The following ACER3 variants were observed in gnomAD, a reference collection of about 807,000 sequenced individuals.
ACER3 encodes alkCDase 3.
A neutral mutation model predicts 48.9 loss-of-function variants in ACER3; 16 were observed. That is an observed-to-expected ratio of 0.33 (90% CI 0.22 to 0.50). ACER3 has a LOEUF of 0.50. Ranked by LOEUF, ACER3 falls within the 20% of genes least tolerant of loss-of-function variation. ACER3 has a pLI of 0.98. For missense variants in ACER3, 227 were observed against 326.0 expected, an observed-to-expected ratio of 0.70 and a Z score of 2.34; for synonymous variants, 109 against 107.8, an observed-to-expected ratio of 1.01 and a Z score of -0.07.
intron 1 of ACER3, among the ~76,000 whole-genome samples, chr11:76,872,108 G>A (rs1945257988): frequency 7.2e-6 from 1 of 138,300 alleles, no homozygotes; most frequent in Non-Finnish European, 1.5e-5. Context: ...ACTGAGTCTT[G>A]CTCTGTCGCG....
chr11:76,885,424 A>T (rs1945647347), intron 1 of ACER3, among the ~76,000 whole-genome samples: 1 of 152,038 alleles, frequency 6.6e-6, no homozygotes, highest in African/African-American at 2.4e-5. Flanking sequence ...TGCCTTAGGT[A>T]TTTGTCCTAA....
intron 3 of ACER3, among the ~76,000 whole-genome samples, chr11:76,971,685 G>A (rs1948311711): frequency 6.6e-6 from 1 of 152,198 alleles, no homozygotes; most frequent in Admixed American, 6.5e-5. Context: ...GTCACAGAAA[G>A]AATAGGGGCT....
At chr11:76,998,876 G>GTAA in intron 7 of ACER3, 55 bp downstream of exon 7, 1 of 1,367,916 alleles carries the variant, frequency 7.3e-7, no homozygotes, top group East Asian at 2.6e-5. Context: ...ACCTATAACA[G>GTAA]TAAATCTATA....
chr11:76,977,768 C>T (rs772079510), intron 4 of ACER3, among the ~76,000 whole-genome samples: 9 of 152,322 alleles, frequency 5.9e-5, no homozygotes, highest in Admixed American at 6.5e-5. Flanking sequence ...CCCACACTCC[C>T]GGGCACAGCT....
chr11:76,915,358 A>G (rs529312008), intron 1 of ACER3, among the ~76,000 whole-genome samples: 5 of 151,978 alleles, frequency 3.3e-5, no homozygotes, highest in Admixed American at 2.0e-4. Flanking sequence ...ACCCTTTGGA[A>G]TTGAGCACGC....
At chr11:76,906,929 A>G (rs1163584626) in intron 1 of ACER3, among the ~76,000 whole-genome samples, 1 of 152,198 alleles carries the variant, frequency 6.6e-6, no homozygotes, top group East Asian at 1.9e-4. Context: ...AACAAAATAT[A>G]AACAATGATA....
intron 2 of ACER3, among the ~76,000 whole-genome samples, chr11:76,953,301 T>A (rs1378827766): frequency 6.6e-6 from 1 of 152,146 alleles, no homozygotes; most frequent in Non-Finnish European, 1.5e-5. Context: ...AAGAAAACTC[T>A]TTAACTTCTA....
chr11:76,996,703 A>C lies in ACER3; in HGVS notation c.439-2060A>C, dbSNP rs550397002. 2.9e-5 allele frequency among the ~76,000 whole-genome samples: 4 copies of C among 139,096 alleles called. No individual in the cohort carries two copies. In the East Asian group the frequency reaches 8.5e-4, roughly 30 times the overall value. 91.3% of individuals were successfully genotyped at this position (139,096 alleles called of 152,430 possible). A position where few individuals can be genotyped will look rare whatever the true frequency, so the allele number is the denominator to read the frequency against. ...CCAAAGTGCTGGGATTACAGGCATG[A>C]GCCACCCCACCCAGCCTTTTTTTTT... is the stretch of plus-strand genomic sequence containing the variant. On this transcript the variant is annotated intron_variant, in intron 6 of 10. Transcript: ENST00000532485.
chr11:76,865,099 A>T (rs1198260515), intron 1 of ACER3, among the ~76,000 whole-genome samples: 1 of 149,246 alleles, frequency 6.7e-6, no homozygotes, highest in Non-Finnish European at 1.5e-5. Context: ...TCAGTACCCC[A>T]TAGCTGGGAC....
chr11:76,953,414 G>A (rs911423414), intron 2 of ACER3, among the ~76,000 whole-genome samples: 5 of 151,968 alleles, frequency 3.3e-5, no homozygotes, highest in Admixed American at 6.6e-5. Flanking sequence ...CCTGGCCAAC[G>A]TGGCAAAACC....
chr11:76,870,288 C>G (rs375264514), intron 1 of ACER3, among the ~76,000 whole-genome samples: 29 of 151,692 alleles, frequency 1.9e-4, no homozygotes, highest in African/African-American at 6.5e-4. Flanking sequence ...ATGCATGCCA[C>G]CACACCTGTC....
intron 3 of ACER3, among the ~76,000 whole-genome samples, chr11:76,964,014 G>T (rs976343474): frequency 6.6e-6 from 1 of 151,496 alleles, no homozygotes; most frequent in East Asian, 1.9e-4. Context: ...GCAGGGCGAG[G>T]CATCGCCTCA....
At position 76,895,569 on chromosome 11, in the gene ACER3, G is replaced by A. The variant is rs372967988; in HGVS notation, c.104-30988G>A. On this transcript the variant is annotated intron_variant, in intron 1 of 10. Coordinates refer to ENST00000532485, the MANE Select transcript of ACER3 (RefSeq NM_018367.7). Reference sequence around the variant, plus strand: ...TTTGAGTCTGCTTCTGATGCTTACTGTATACATGTAGACAAGCTAGTTGAC... The same window carrying A: ...TTTGAGTCTGCTTCTGATGCTTACTATATACATGTAGACAAGCTAGTTGAC... 1.2e-4 allele frequency among the ~76,000 whole-genome samples: 19 copies of A among 152,290 alleles called. No individual in the cohort carries two copies. In the East Asian group the frequency reaches 3.7e-3, roughly 29 times the overall value.
intron 1 of ACER3, among the ~76,000 whole-genome samples, chr11:76,864,596 A>ATTTTTTTTTTTTTTTTTT (rs772026324): frequency 1.0e-5 from 1 of 99,926 alleles, no homozygotes; most frequent in Non-Finnish European, 2.0e-5. Flanking sequence ...TGGAATGGGT[A>ATTTTTTTTTTTTTTTTTT]TTTTTTTTTT....
intron 1 of ACER3, among the ~76,000 whole-genome samples, chr11:76,907,592 CG>C (rs1390691000): frequency 6.6e-6 from 1 of 152,076 alleles, no homozygotes; most frequent in Non-Finnish European, 1.5e-5. Flanking sequence ...CCAATAAAGC[CG>C]GGCACAGTGG....
chr11:76,917,367 A>G (rs1366077476), intron 1 of ACER3, among the ~76,000 whole-genome samples: 1 of 152,152 alleles, frequency 6.6e-6, no homozygotes, highest in Non-Finnish European at 1.5e-5. Context: ...TGAAAAAACT[A>G]ATTTTCATAA....
chr11:76,937,757 G>A (rs1328600020), intron 2 of ACER3, among the ~76,000 whole-genome samples: 1 of 152,116 alleles, frequency 6.6e-6, no homozygotes, highest in Non-Finnish European at 1.5e-5. Context: ...ACACTTCTGA[G>A]TATGTATGTT....
intron 3 of ACER3, among the ~76,000 whole-genome samples, chr11:76,960,021 A>G (rs1307913139): frequency 1.3e-5 from 2 of 152,176 alleles, no homozygotes; most frequent in Non-Finnish European, 2.9e-5. Context: ...AACTTCTAGA[A>G]CAGTAGTACA....
At chr11:76,910,269 T>TAAC (rs1313664317) in intron 1 of ACER3, among the ~76,000 whole-genome samples, 1 of 152,026 alleles carries the variant, frequency 6.6e-6, no homozygotes. Flanking sequence ...ACATAAAGTA[T>TAAC]AATAATAATA....
Sources: gnomAD v4.1 joint callset for allele counts (sites outside exome capture counted in the v4.1 genomes callset) on GRCh38, gnomAD v4.1.1 for gene constraint, MANE v1.5 for transcripts, NCBI Gene and HGNC (gene_info 2026-07-23, HGNC 2026-07-21) for gene names.